The following CSMD2 variants were observed in gnomAD, a reference collection of about 807,000 sequenced individuals.
The protein encoded by CSMD2 is CUB and sushi domain-containing protein 2.
Under a neutral mutation model 398.5 loss-of-function variants are expected in CSMD2, and 130 were observed. The ratio of observed to expected loss-of-function variants is 0.33; its 90% CI spans 0.28 to 0.38. The LOEUF is 0.38. CSMD2 is among the 10% of genes least tolerant of loss of function. CSMD2 has a pLI of 1.00. For missense variants in CSMD2, 3,829 were observed against 4,764.9 expected, an observed-to-expected ratio of 0.80 and a Z score of 5.78; for synonymous variants, 1,828 against 1,908.5, an observed-to-expected ratio of 0.96 and a Z score of 1.10.
At chr1:33,930,534 C>CTA (rs1317929435) in intron 4 of CSMD2, among the ~76,000 whole-genome samples, 6 of 152,196 alleles carry the variant, frequency 3.9e-5, no homozygotes, top group Non-Finnish European at 8.8e-5. Flanking sequence ...ACCTCAGAGG[C>CTA]TAAGCACTTC....
At chr1:33,648,381 C>T (rs1262504664) in intron 28 of CSMD2, among the ~76,000 whole-genome samples, 2 of 139,366 alleles carry the variant, frequency 1.4e-5, no homozygotes, top group South Asian at 2.3e-4. Flanking sequence ...AAAAAAAAAG[C>T]AGAGCTTTCA....
chr1:34,155,286 C>T (rs1056450788), intron 1 of CSMD2, among the ~76,000 whole-genome samples: 4 of 152,108 alleles, frequency 2.6e-5, no homozygotes, highest in African/African-American at 7.2e-5. Flanking sequence ...GAAAACTGTC[C>T]CTGTAACACT....
intron 2 of CSMD2, among the ~76,000 whole-genome samples, chr1:34,072,905 C>A (rs1191503888): frequency 6.6e-6 from 1 of 152,142 alleles, no homozygotes; most frequent in Non-Finnish European, 1.5e-5. Flanking sequence ...TCATCCCTGG[C>A]AGACCCCACT....
At chr1:34,138,023 C>G (rs1247195902) in intron 1 of CSMD2, among the ~76,000 whole-genome samples, 1 of 152,174 alleles carries the variant, frequency 6.6e-6, no homozygotes, top group Non-Finnish European at 1.5e-5. Context: ...GAATGATAAG[C>G]AAGAAAACAT....
At chr1:33,756,370 C>T (rs1649016165) in intron 13 of CSMD2, among the ~76,000 whole-genome samples, 1 of 152,122 alleles carries the variant, frequency 6.6e-6, no homozygotes, top group African/African-American at 2.4e-5. Flanking sequence ...TCAGCAGCCA[C>T]CAAGATGGAT....
intron 3 of CSMD2, among the ~76,000 whole-genome samples, chr1:33,987,223 A>G (rs559107101): frequency 6.6e-6 from 1 of 152,134 alleles, no homozygotes; most frequent in South Asian, 2.1e-4. Flanking sequence ...TCCCTTATCT[A>G]TAAAACAAGT....
At chr1:33,999,866 G>C (rs1646846349) in intron 3 of CSMD2, among the ~76,000 whole-genome samples, 1 of 152,188 alleles carries the variant, frequency 6.6e-6, no homozygotes, top group Non-Finnish European at 1.5e-5. Context: ...TCCTTCAAGA[G>C]AGAATTTTAG....
At chr1:33,698,972 G>GT (rs1645516045) in intron 23 of CSMD2, 28 bp from the exon 24 acceptor site, 1 of 1,585,854 alleles carries the variant, frequency 6.3e-7, no homozygotes, top group African/African-American at 1.3e-5. Flanking sequence ...GGTAGAGTGA[G>GT]TAAGACCTAT....
intron 1 of CSMD2, among the ~76,000 whole-genome samples, chr1:34,133,204 C>T (rs1638325930): frequency 6.6e-6 from 1 of 152,252 alleles, no homozygotes; most frequent in African/African-American, 2.4e-5. Flanking sequence ...GTCCACTAGA[C>T]TGCCAGTTCC....
chr1:33,997,441 A>T (rs1317633051), intron 3 of CSMD2, among the ~76,000 whole-genome samples: 1 of 152,178 alleles, frequency 6.6e-6, no homozygotes, highest in African/African-American at 2.4e-5. Context: ...GTGAATGAGA[A>T]GCTGCTCTGA....
At chr1:33,709,447 C>T in intron 21 of CSMD2, 189 bp from the exon 22 acceptor site, 1 of 572,418 alleles carries the variant, frequency 1.7e-6, no homozygotes, top group Middle Eastern at 4.6e-4. Context: ...AAAAATACTT[C>T]CCTACCTATG....
intron 22 of CSMD2, among the ~76,000 whole-genome samples, chr1:33,704,761 G>T (rs1184792146): frequency 6.6e-6 from 1 of 151,994 alleles, no homozygotes; most frequent in Non-Finnish European, 1.5e-5. Context: ...GGTCGTCTTT[G>T]TTTGCTTGTT....
chr1:33,881,910 C>A (rs1641263781), intron 5 of CSMD2, among the ~76,000 whole-genome samples: 1 of 151,422 alleles, frequency 6.6e-6, no homozygotes, highest in Non-Finnish European at 1.5e-5. Flanking sequence ...AATTTTAATC[C>A]CCATGTGTTG....
chr1:34,139,792 G>C (rs1021458582), intron 1 of CSMD2, among the ~76,000 whole-genome samples: 13 of 152,318 alleles, frequency 8.5e-5, no homozygotes, highest in African/African-American at 3.1e-4. Flanking sequence ...CTGGAGCACT[G>C]AGTACATCTT....
chr1:33,535,614 CATAGA>C (rs1384077401), intron 62 of CSMD2, among the ~76,000 whole-genome samples: 2 of 152,162 alleles, frequency 1.3e-5, no homozygotes, highest in Non-Finnish European at 2.9e-5. Flanking sequence ...ACTTTTGGGT[CATAGA>C]GTGTGTGAAT....
At position 33,712,848 on chromosome 1, in the gene CSMD2, G is replaced by A. The variant is rs182684578; in HGVS notation, c.3406+1739C>T. ...TGAGTGTGTGTGGCCAGATCAGGGT[G>A]GGTGGATGCCTTTGGGGATGGTTAT... On this transcript the variant is annotated intron_variant, in intron 21 of 70. Coordinates refer to ENST00000373381, the MANE Select transcript of CSMD2 (RefSeq NM_001281956.2). Among the ~76,000 whole-genome samples the A allele has an allele frequency of 1.8e-4, 27 of 152,284 alleles. No homozygotes were observed. The East Asian group carries it at 5.2e-3, about 29-fold the overall frequency.
At chr1:33,723,676 C>G (rs948475998) in intron 19 of CSMD2, among the ~76,000 whole-genome samples, 1 of 152,086 alleles carries the variant, frequency 6.6e-6, no homozygotes, top group Non-Finnish European at 1.5e-5. Flanking sequence ...AGAAGGGGAT[C>G]GCTGTGTTCA....
intron 1 of CSMD2, among the ~76,000 whole-genome samples, chr1:34,142,398 C>T (rs2148528879): frequency 6.6e-6 from 1 of 152,252 alleles, no homozygotes; most frequent in African/African-American, 2.4e-5. Flanking sequence ...ACCTGGTGCC[C>T]CAGGAGACGC....
At chr1:33,852,493 A>G (rs1358820) in intron 5 of CSMD2, among the ~76,000 whole-genome samples, 100,175 of 152,150 alleles carry the variant, frequency 0.66, 33,381 homozygotes, top group African/African-American at 0.77. Flanking sequence ...TATTCCCTCT[A>G]CCTGTAATGC....
Sources: allele counts gnomAD v4.1 joint callset (sites outside exome capture counted in the v4.1 genomes callset), GRCh38; gene constraint gnomAD v4.1.1; transcripts MANE v1.5; gene names NCBI Gene and HGNC (gene_info 2026-07-23, HGNC 2026-07-21).